Variants in CRACD observed in about 807,000 individuals in gnomAD.
CRACD encodes the protein capping protein-inhibiting regulator of actin dynamics.
CRACD carries 56 observed loss-of-function variants against 106.8 expected under a neutral mutation model. The observed-to-expected ratio is 0.52, with a 90% CI of 0.42 to 0.66. The LOEUF (loss-of-function observed/expected upper bound fraction) is 0.66. Among genes scored for constraint, CRACD ranks in the 30% least tolerant of loss-of-function variants. The probability of loss-of-function intolerance (pLI) is 0.00; values close to 1 mark genes in which losing one functional copy is unlikely to be tolerated. For missense variants in CRACD, 1,730 were observed against 1,623.2 expected (o/e 1.07, Z -1.13); for synonymous variants, 754 against 670.8 (o/e 1.12, Z -1.92).
At chr4:56,274,191 G>T (rs1742532645) in intron 3 of CRACD, among the ~76,000 whole-genome samples, 1 of 152,224 alleles carries the variant, frequency 6.6e-6, no homozygotes, top group African/African-American at 2.4e-5. Context: ...TGTCCCAGTG[G>T]ATAGTCAAGG....
chr4:56,115,546 G>A (rs901454352), intron 1 of CRACD, among the ~76,000 whole-genome samples: 3 of 152,156 alleles, frequency 2.0e-5, no homozygotes, highest in African/African-American at 7.2e-5. Flanking sequence ...TAGACTCAGA[G>A]TTTTAGTATT....
In CRACD at chr4:56,315,074, G is replaced by A; in HGVS notation, c.1572G>A (p.Trp524Ter). Reference sequence around the variant, plus strand: ...GCCGCAAGGTGGAGGAGCTGCGGTGGCAGGAGGTGGACGAGAGACAGACCA... The same window carrying A: ...GCCGCAAGGTGGAGGAGCTGCGGTGACAGGAGGTGGACGAGAGACAGACCA... ...EQGRKVEELR[W>*]QEVDERQTMP... The change falls in exon 8 of 11, where the codon TGG becomes TGA. Residue 524 changes from tryptophan (W) to a stop codon, truncating the protein, a stop_gained. Coordinates refer to ENST00000682029, the MANE Select transcript of CRACD (RefSeq NM_001393381.1). LOFTEE classifies it high-confidence loss of function. The surrounding 1 kb of genome is among the most constrained non-coding windows in gnomAD (Gnocchi z 4.1). 1 of 1,610,566 alleles carries A rather than the reference G, an allele frequency of 6.2e-7. No homozygotes were observed. Among genetic ancestry groups the A allele is most frequent in the Non-Finnish European group, 8.5e-7 (1 of 1,179,062 alleles).
At chr4:56,132,111 C>A (rs968639179) in intron 1 of CRACD, among the ~76,000 whole-genome samples, 1 of 152,090 alleles carries the variant, frequency 6.6e-6, no homozygotes, top group African/African-American at 2.4e-5. Flanking sequence ...GTGGTGCAAC[C>A]ACAGCTCCTG....
intron 1 of CRACD, among the ~76,000 whole-genome samples, chr4:56,160,185 ATTT>A (rs544168622): frequency 8.5e-4 from 54 of 63,260 alleles, no homozygotes; most frequent in African/African-American, 2.4e-3. Flanking sequence ...CCATATTTTG[ATTT>A]TTTTTTTTTT....
chr4:56,201,763 G>A (rs1247691393), intron 2 of CRACD, among the ~76,000 whole-genome samples: 3 of 152,122 alleles, frequency 2.0e-5, no homozygotes, highest in Non-Finnish European at 4.4e-5. Context: ...TTGGCAAGTG[G>A]ATACCCATGA....
intron 1 of CRACD, among the ~76,000 whole-genome samples, chr4:56,144,715 G>A (rs964397974): frequency 3.3e-5 from 5 of 151,334 alleles, no homozygotes; most frequent in Non-Finnish European, 7.4e-5. Context: ...GAGTGCAGTG[G>A]CACAATCTCA....
intron 2 of CRACD, among the ~76,000 whole-genome samples, chr4:56,247,585 C>G (rs181730581): frequency 4.6e-5 from 7 of 152,270 alleles, no homozygotes; most frequent in Non-Finnish European, 8.8e-5. Flanking sequence ...GTGGCTCATG[C>G]CTGTAATCCC....
chr4:56,231,889 CA>C (rs912527963), intron 2 of CRACD, among the ~76,000 whole-genome samples: 3 of 152,166 alleles, frequency 2.0e-5, no homozygotes, highest in Non-Finnish European at 2.9e-5. Context: ...TATATACAAG[CA>C]GCTATAAAAT....
At chr4:56,247,632 G>A (rs537148317) in intron 2 of CRACD, among the ~76,000 whole-genome samples, 1 of 152,228 alleles carries the variant, frequency 6.6e-6, no homozygotes, top group African/African-American at 2.4e-5. Flanking sequence ...GATCACCTGA[G>A]GTCAGGAGTT....
chr4:56,179,045 C>T (rs1224057712), intron 1 of CRACD, among the ~76,000 whole-genome samples: 1 of 152,168 alleles, frequency 6.6e-6, no homozygotes, highest in Admixed American at 6.5e-5. Flanking sequence ...GGATGTGATT[C>T]TTTTAGTCCT....
intron 1 of CRACD, among the ~76,000 whole-genome samples, chr4:56,076,811 G>T (rs1349473179): frequency 2.0e-5 from 3 of 152,204 alleles, no homozygotes; most frequent in African/African-American, 7.2e-5. Context: ...TTGTGAGGGG[G>T]ACCCTATCTG....
At chr4:56,075,486 T>C (rs1295424079) in intron 1 of CRACD, among the ~76,000 whole-genome samples, 1 of 152,226 alleles carries the variant, frequency 6.6e-6, no homozygotes, top group African/African-American at 2.4e-5. Context: ...GAGGTGTTTA[T>C]AGTATTCTCT....
intron 2 of CRACD, among the ~76,000 whole-genome samples, chr4:56,227,212 C>G (rs867028753): frequency 6.6e-6 from 1 of 152,134 alleles, no homozygotes; most frequent in Non-Finnish European, 1.5e-5. Flanking sequence ...GTCAGATAAG[C>G]AAGTTGTTGC....
intron 6 of CRACD, among the ~76,000 whole-genome samples, chr4:56,311,995 A>G (rs1745188381): frequency 6.6e-6 from 1 of 151,450 alleles, no homozygotes; most frequent in Admixed American, 6.6e-5. Context: ...TTTTTTAGTG[A>G]TTGCATCTGT....
intron 1 of CRACD, among the ~76,000 whole-genome samples, chr4:56,169,583 ACCTCCTAGGCTCAAGC>A (rs1382195349): frequency 6.6e-6 from 1 of 152,078 alleles, no homozygotes; most frequent in Admixed American, 6.5e-5. Flanking sequence ...TGGCACCTCT[ACCTCCTAGGCTCAAGC>A]AATCTTCCCA....
chr4:56,308,484 A>C (rs560592569), intron 5 of CRACD, among the ~76,000 whole-genome samples: 183 of 88,944 alleles, frequency 2.1e-3, no homozygotes, highest in African/African-American at 5.3e-3. Context: ...AAAAAATGAA[A>C]AAACAAACAA....
chr4:56,057,613 C>A (rs1732119446), intron 1 of CRACD, among the ~76,000 whole-genome samples: 4 of 147,792 alleles, frequency 2.7e-5, no homozygotes, highest in African/African-American at 2.5e-5. Flanking sequence ...CAGAGGATTT[C>A]AGATAGGTTG....
At chr4:56,213,048 GTAGCC>G (rs1213967595) in intron 2 of CRACD, among the ~76,000 whole-genome samples, 2 of 152,196 alleles carry the variant, frequency 1.3e-5, no homozygotes, top group African/African-American at 4.8e-5. Flanking sequence ...GGCCTAGCAG[GTAGCC>G]TGTCTTGGCC....
At chr4:56,259,953 G>A (rs1210574493) in intron 2 of CRACD, among the ~76,000 whole-genome samples, 1 of 152,134 alleles carries the variant, frequency 6.6e-6, no homozygotes, top group African/African-American at 2.4e-5. Flanking sequence ...GAACCCAATT[G>A]AGGATGACTA....
Sources: allele counts gnomAD v4.1 joint callset (sites outside exome capture counted in the v4.1 genomes callset), GRCh38; gene constraint gnomAD v4.1.1; non-coding constraint Gnocchi (gnomAD v3.1); transcripts MANE v1.5; gene names NCBI Gene and HGNC (gene_info 2026-07-23, HGNC 2026-07-21).